EPM2A: variants seen among roughly 807,000 people sequenced by gnomAD.
EPM2A encodes EPM2A glucan phosphatase, laforin.
Under a neutral mutation model 26.5 loss-of-function variants are expected in EPM2A, and 21 were observed. The ratio of observed to expected loss-of-function variants is 0.79; its 90% confidence interval spans 0.56 to 1.14. The LOEUF is 1.14. Among genes scored for constraint, EPM2A ranks in the 50% most tolerant of loss-of-function variants. The pLI is 0.00. For synonymous variants in EPM2A, 217 were observed against 177.6 expected (o/e 1.22, Z -1.76); for missense variants, 458 against 440.8 (o/e 1.04, Z -0.35).
At chr6:145,520,896 T>A (rs1780194211) in intron 2 of EPM2A, among the ~76,000 whole-genome samples, 2 of 152,098 alleles carry the variant, frequency 1.3e-5, no homozygotes, top group South Asian at 4.2e-4. Flanking sequence ...ATGTTTTTAA[T>A]AAGTCAATTA....
At chr6:145,705,854 A>G in intron 1 of EPM2A, 1 of 456,562 alleles carries the variant, frequency 2.2e-6, no homozygotes, top group Non-Finnish European at 4.4e-6. Flanking sequence ...GAGGACATGG[A>G]TACTGGTAAA....
intron 2 of EPM2A, among the ~76,000 whole-genome samples, chr6:145,651,785 C>T (rs996500243): frequency 5.3e-5 from 8 of 152,140 alleles, no homozygotes; most frequent in African/African-American, 1.7e-4. Context: ...AATAAGGATG[C>T]CCCTCAGCTA....
rs920661700 is a variant in EPM2A at position 145,591,272 on chromosome 6, T to TA, written c.340+43972dup. 1.0e-3 allele frequency among the ~76,000 whole-genome samples: 152 copies of TA among 151,656 alleles called. 1 individual carries two copies. Among genetic ancestry groups the TA allele is most frequent in the African/African-American group, 2.9e-3 (118 of 41,396 alleles). Reference sequence around the variant, plus strand: ...GGAAGGAGAAGAAAGGCAAAATAAATAAAAAAAACTATTGGAAGTTACAAT... The same window carrying TA: ...GGAAGGAGAAGAAAGGCAAAATAAATAAAAAAAAACTATTGGAAGTTACAAT... On this transcript the variant is annotated intron_variant, in intron 2 of 3. Coordinates refer to the EPM2A transcript ENST00000450221.
chr6:145,666,727 C>T (rs1344686305), intron 2 of EPM2A, among the ~76,000 whole-genome samples: 2 of 144,912 alleles, frequency 1.4e-5, no homozygotes, highest in Non-Finnish European at 1.5e-5. Flanking sequence ...GCCAAAAGAA[C>T]AAAGTTGGAG....
chr6:145,568,875 C>T (rs1385790610), intron 2 of EPM2A, among the ~76,000 whole-genome samples: 1 of 152,098 alleles, frequency 6.6e-6, no homozygotes, highest in Non-Finnish European at 1.5e-5. Context: ...CAATAAGACG[C>T]CTTGGATGGA....
chr6:145,400,665 C>T (rs569315920), intron 4 of EPM2A, among the ~76,000 whole-genome samples: 30 of 152,152 alleles, frequency 2.0e-4, no homozygotes, highest in Admixed American at 3.3e-4. Flanking sequence ...TAAGTCTCCA[C>T]CCCAAAGTGA....
At chr6:145,404,242 T>G (rs1319871203) in intron 4 of EPM2A, among the ~76,000 whole-genome samples, 1 of 152,140 alleles carries the variant, frequency 6.6e-6, no homozygotes. Context: ...TCATTTACAC[T>G]TCTCTGATGA....
chr6:145,435,976 A>G (rs562484520), intron 4 of EPM2A, among the ~76,000 whole-genome samples: 59 of 152,304 alleles, frequency 3.9e-4, no homozygotes, highest in Middle Eastern at 3.4e-3. Flanking sequence ...AGTTTATGTT[A>G]GGGTTCCCTC....
rs139321281 is a variant in EPM2A, at chr6:145,392,735, G to C, written c.556-8638C>G. On this transcript the variant is annotated intron_variant, in intron 4 of 4. Transcript: ENST00000638717. ...CTTCATTATAAATATATATCAACCAGGCCTTCTCAGTGGTTGTCAATTGCT... is the reference window on the plus strand; with the variant it reads ...CTTCATTATAAATATATATCAACCACGCCTTCTCAGTGGTTGTCAATTGCT... Among the ~76,000 whole-genome samples, 1,131 of 152,062 alleles carry C rather than the reference G, an allele frequency of 7.4e-3. 13 individuals carry two copies. The highest frequency in any genetic ancestry group is 0.026 in the African/African-American group (1,059 of 41,480).
intron 2 of EPM2A, among the ~76,000 whole-genome samples, chr6:145,644,347 T>C (rs1777302521): frequency 6.6e-6 from 1 of 152,230 alleles, no homozygotes; most frequent in Non-Finnish European, 1.5e-5. Context: ...GTTTACAGAA[T>C]CACCTTCCTT....
At chr6:145,500,178 A>G (rs535506055), downstream of EPM2A, among the ~76,000 whole-genome samples, 13 of 152,358 alleles carry the variant, frequency 8.5e-5, no homozygotes, top group South Asian at 1.0e-3. Flanking sequence ...CTATAGAACA[A>G]TCATTTATAT....
chr6:145,482,534 T>C (rs1274015653), intron 4 of EPM2A, among the ~76,000 whole-genome samples: 1 of 152,124 alleles, frequency 6.6e-6, no homozygotes, highest in Non-Finnish European at 1.5e-5. Context: ...ATAAAAGTAA[T>C]TGCTGCTAGT....
At chr6:145,468,608 T>G (rs1296874268) in intron 4 of EPM2A, among the ~76,000 whole-genome samples, 1 of 145,022 alleles carries the variant, frequency 6.9e-6, no homozygotes, top group African/African-American at 2.6e-5. Context: ...GACCTCTATC[T>G]CTCATCATAT....
chr6:145,552,672 A>T (rs1780671927), intron 2 of EPM2A, among the ~76,000 whole-genome samples: 3 of 152,128 alleles, frequency 2.0e-5, no homozygotes, highest in Non-Finnish European at 4.4e-5. Flanking sequence ...GAGCAAAAGT[A>T]AGAACCACTG....
chr6:145,559,039 T>C (rs932842309), intron 2 of EPM2A, among the ~76,000 whole-genome samples: 1 of 152,140 alleles, frequency 6.6e-6, no homozygotes, highest in East Asian at 1.9e-4. Context: ...AGCCAGGAGC[T>C]GTCTGAAGGC....
At chr6:145,560,079 A>G (rs435671) in intron 2 of EPM2A, among the ~76,000 whole-genome samples, 55,433 of 151,910 alleles carry the variant, frequency 0.36, 10,516 homozygotes, top group South Asian at 0.51. Context: ...AAGTACTTGG[A>G]CAAGCAGTGG....
intron 4 of EPM2A, among the ~76,000 whole-genome samples, chr6:145,474,190 G>A (rs1428081571): frequency 6.6e-6 from 1 of 152,098 alleles, no homozygotes; most frequent in Non-Finnish European, 1.5e-5. Context: ...GGACCAGCGT[G>A]GTGGCTCATG....
intron 4 of EPM2A, among the ~76,000 whole-genome samples, chr6:145,477,037 A>G (rs73560917): frequency 0.015 from 2,213 of 152,038 alleles, 47 homozygotes; most frequent in African/African-American, 0.05. Context: ...AAGAAAATGG[A>G]CAAACTTTCA....
chr6:145,702,184 G>C (rs1781951109), intron 1 of EPM2A, among the ~76,000 whole-genome samples: 1 of 152,022 alleles, frequency 6.6e-6, no homozygotes, highest in South Asian at 2.1e-4. Flanking sequence ...TGCACTCAAT[G>C]CTCTATGGAA....
Sources: gnomAD v4.1 joint callset for allele counts (sites outside exome capture counted in the v4.1 genomes callset) on GRCh38, gnomAD v4.1.1 for gene constraint, MANE v1.5 for transcripts, NCBI Gene and HGNC (gene_info 2026-07-23, HGNC 2026-07-21) for gene names.